Variants in ANO9 observed in about 807,000 individuals in gnomAD.
ANO9 encodes the protein anoctamin 9.
A neutral mutation model predicts 100.5 loss-of-function variants in ANO9; 80 were observed. The observed-to-expected ratio is 0.80, with a 90% CI of 0.66 to 0.96. ANO9 has a LOEUF of 0.96. Among genes scored for constraint, ANO9 ranks in the 40% least tolerant of loss-of-function variants. The pLI, the probability that ANO9 is intolerant of heterozygous loss-of-function variation, is 0.00. For synonymous variants in ANO9, 473 were observed against 435.6 expected (o/e 1.09, Z -1.07); for missense variants, 1,064 against 1,072.7 (o/e 0.99, Z 0.11).
In ANO9 at chr11:418,916, C is replaced by T; in HGVS notation, c.2008G>A (p.Glu670Lys). The T allele has an allele frequency of 2.5e-6, 4 of 1,613,242 alleles. No individual in the cohort carries two copies. Among genetic ancestry groups the T allele is most frequent in the Non-Finnish European group, 3.4e-6 (4 of 1,179,790 alleles). The change falls in exon 21 of 23, where the codon GAG (glutamate) becomes AAG (lysine). Residue 670 changes from glutamate to lysine, a missense_variant. Physicochemically the swap from Glu to Lys is moderately conservative, Grantham distance 56. Transcript: ENST00000332826. ...CACAGAGTCACGTTTTCTGAGCCCT[C>T]AATCCCATCAGGGTCCTGGAAGTCC... ...TKDFQDPDGI[E>K]GSENVTLCRY...
chr11:429,826 G>A lies in ANO9; in HGVS notation c.772-8C>T. ...GTCAAAGAGGTGGGTGAGCTGGGGGGGTGATAGGTGGGCCGGAGAGGAGGT... is the reference window on the plus strand; with the variant it reads ...GTCAAAGAGGTGGGTGAGCTGGGGGAGTGATAGGTGGGCCGGAGAGGAGGT... On this transcript the variant is annotated splice_polypyrimidine_tract_variant and splice_region_variant and intron_variant, in intron 9 of 22. Transcript: ENST00000332826. The A allele has an allele frequency of 6.3e-7, 1 of 1,595,596 alleles. No homozygotes were observed. Among genetic ancestry groups the A allele is most frequent in the Admixed American group, 1.7e-5 (1 of 58,948 alleles).
At chr11:419,323 G>C (rs1312235012) in intron 20 of ANO9, 53 of 1,409,046 alleles carry the variant, frequency 3.8e-5, no homozygotes, top group Non-Finnish European at 4.9e-5. Flanking sequence ...AGCCGTTCTG[G>C]CAGGGCCTAC....
chr11:433,772 G>A (rs778195370), intron 3 of ANO9, 43 bp downstream of exon 3: 258 of 1,487,868 alleles, frequency 1.7e-4, no homozygotes, highest in Non-Finnish European at 2.2e-4. Context: ...CTGGACACCC[G>A]CCCCGGCCCC....
At chr11:437,047 T>TGAGC (rs1845392191) in intron 1 of ANO9, among the ~76,000 whole-genome samples, 1 of 58,358 alleles carries the variant, frequency 1.7e-5, no homozygotes, top group African/African-American at 7.9e-5. Context: ...GGGGGGTGCG[T>TGAGC]GGGGGGTGAG....
rs1327673304 is a variant in ANO9, at chr11:421,451, A to G, written c.1335-253T>C. Among the ~76,000 whole-genome samples the G allele has an allele frequency of 8.9e-6, 1 of 111,782 alleles. No homozygotes were observed. The highest frequency in any genetic ancestry group is 2.8e-4 in the East Asian group (1 of 3,548). The allele number at this position is 111,782 out of a possible 152,430, so 73.3% of individuals were successfully genotyped here. A position where few individuals can be genotyped will look rare whatever the true frequency, so the allele number is the denominator to read the frequency against. On this transcript the variant is annotated intron_variant, in intron 15 of 22. Transcript: ENST00000332826. The surrounding 1 kb of genome is among the most constrained non-coding windows in gnomAD (Gnocchi z 6.8). ...CACACGTGGGCGCGCGCACACACAC[A>G]CACACCCCCACACAGGGGAGGCCAC...
intron 1 of ANO9, among the ~76,000 whole-genome samples, chr11:435,459 GCATAGTATAGCATAGCATAA>G (rs1008810001): frequency 4.0e-5 from 6 of 151,876 alleles, no homozygotes; most frequent in African/African-American, 1.5e-4. Context: ...GCATAGGATA[GCATAGTATAGCATAGCATAA>G]CATAATACGG....
chr11:417,980 A>C lies in ANO9; in HGVS notation c.*391T>G. ...TGCAGAAACGGGTTGGCTGAAGGGA[A>C]CAGGCCAGCGAGGTGGGCTCAGGAC... is the stretch of plus-strand genomic sequence containing the variant. On this transcript the variant is annotated 3_prime_UTR_variant, in exon 23 of 23. Coordinates refer to ENST00000332826, the MANE Select transcript of ANO9 (RefSeq NM_001012302.3). This position sits in a 1 kb window ranked among gnomAD's most constrained non-coding sequence, Gnocchi z 4.2. 2 of 217,636 alleles carry C rather than the reference A, an allele frequency of 9.2e-6. No individual in the cohort carries two copies. The highest frequency in any genetic ancestry group is 1.2e-4 in the East Asian group (1 of 8,694). The allele number at this position is 217,636 out of a possible 1,614,324, so 13.5% of individuals were successfully genotyped here.
intron 1 of ANO9, among the ~76,000 whole-genome samples, chr11:439,434 G>A (rs1845667571): frequency 9.0e-6 from 1 of 110,568 alleles, no homozygotes; most frequent in Non-Finnish European, 1.8e-5. Flanking sequence ...AGAGGAGATG[G>A]TTGTGCAGAT....
Position 428,130 on chromosome 11 carries a change from G to A in ANO9, c.1292C>T (p.Thr431Ile). The change falls in exon 15 of 23, where the codon ACC becomes ATC. Residue 431 changes from threonine to isoleucine, a missense_variant. Coordinates refer to ENST00000332826, the MANE Select transcript of ANO9 (RefSeq NM_001012302.3). ...TIRFFTLQFFTHFSSLIYIAF... is the reference protein window; with the variant it reads ...TIRFFTLQFFIHFSSLIYIAF... Reference sequence around the variant, plus strand: ...GATGTAGATGAGAGACGAGAAATGGGTGAAGAACTGCAGTGTGAAGAAGCG... The same window carrying A: ...GATGTAGATGAGAGACGAGAAATGGATGAAGAACTGCAGTGTGAAGAAGCG... The A allele has an allele frequency of 6.2e-7, 1 of 1,611,110 alleles. No individual in the cohort carries two copies. The highest frequency in any genetic ancestry group is 8.5e-7 in the Non-Finnish European group (1 of 1,179,582).
intron 1 of ANO9, among the ~76,000 whole-genome samples, chr11:439,821 C>T (rs1019646800): frequency 3.3e-5 from 5 of 152,306 alleles, no homozygotes; most frequent in Non-Finnish European, 5.9e-5. Flanking sequence ...AGCCAGTCTT[C>T]TGCCCACCCC....
chr11:429,865 AG>A (rs1288240841), intron 9 of ANO9, 47 bp from the exon 10 acceptor site: 20 of 993,288 alleles, frequency 2.0e-5, no homozygotes, highest in Admixed American at 3.0e-5. Context: ...TGAGCTGGGG[AG>A]GGGGGCAGGT....
intron 1 of ANO9, among the ~76,000 whole-genome samples, chr11:437,369 T>C (rs1845443786): frequency 6.6e-6 from 1 of 152,178 alleles, no homozygotes; most frequent in African/African-American, 2.4e-5. Context: ...AGACACCATC[T>C]GAGCACCCAG....
At chr11:434,840 G>A (rs1849324468) in intron 1 of ANO9, among the ~76,000 whole-genome samples, 1 of 152,182 alleles carries the variant, frequency 6.6e-6, no homozygotes, top group Non-Finnish European at 1.5e-5. Flanking sequence ...CAGGGCCTCA[G>A]AGCATCCCCT....
Position 432,237 on chromosome 11 carries a change from A to G in ANO9, c.351-183T>C. The G allele has an allele frequency of 1.6e-6, 1 of 634,632 alleles. No individual in the cohort carries two copies. Among genetic ancestry groups the G allele is most frequent in the South Asian group, 2.0e-5 (1 of 51,036 alleles). 39.3% of individuals were successfully genotyped at this position (634,632 alleles called of 1,614,324 possible). A position where few individuals can be genotyped will look rare whatever the true frequency, so the allele number is the denominator to read the frequency against. ...CGGGAGCCCACCCCGCACCCTCCTT[A>G]AAGTGCTCCCAGGGCCTGGCCTGCC... is the stretch of plus-strand genomic sequence containing the variant. On this transcript the variant is annotated intron_variant, in intron 4 of 22. Coordinates refer to ENST00000332826, the MANE Select transcript of ANO9 (RefSeq NM_001012302.3). This position sits in a 1 kb window ranked among gnomAD's most constrained non-coding sequence, Gnocchi z 4.8.
At chr11:439,879 G>A (rs7102822) in intron 1 of ANO9, among the ~76,000 whole-genome samples, 43,395 of 151,932 alleles carry the variant, frequency 0.29, 7,287 homozygotes, top group Non-Finnish European at 0.39. Flanking sequence ...TCACCCATCC[G>A]TGTGCCCGTC....
intron 9 of ANO9, 59 bp from the exon 10 acceptor site, chr11:429,877 G>T: frequency 6.9e-7 from 1 of 1,447,774 alleles, no homozygotes. Context: ...GGGGGCAGGT[G>T]AGCCAGGGAG....
At chr11:436,819 A>G (rs187017743) in intron 1 of ANO9, among the ~76,000 whole-genome samples, 3 of 300 alleles carry the variant, frequency 0.01, no homozygotes. Flanking sequence ...AGGTGAGCAG[A>G]GGGTGAGCAG....
intron 20 of ANO9, chr11:419,210 C>T: frequency 1.3e-5 from 18 of 1,429,284 alleles, no homozygotes; most frequent in Non-Finnish European, 1.6e-5. Flanking sequence ...ACTTTCCCTG[C>T]CAGAGACTGG....
At chr11:430,438 G>C in intron 7 of ANO9, 35 bp from the exon 8 acceptor site, 1 of 1,547,398 alleles carries the variant, frequency 6.5e-7, no homozygotes, top group Non-Finnish European at 8.7e-7. Flanking sequence ...AGCTGTCAGG[G>C]GGCGGTGGGG....
Sources: allele counts gnomAD v4.1 joint callset (sites outside exome capture counted in the v4.1 genomes callset), GRCh38; gene constraint gnomAD v4.1.1; non-coding constraint Gnocchi (gnomAD v3.1); transcripts MANE v1.5; gene names NCBI Gene and HGNC (gene_info 2026-07-23, HGNC 2026-07-21).